The following SCN1A variants were observed in gnomAD, a reference collection of about 807,000 sequenced individuals.
The protein encoded by SCN1A is sodium voltage-gated channel alpha subunit 1, also known as sodium channel protein type 1 subunit alpha.
In SCN1A, 13 loss-of-function variants were observed where a neutral mutation model predicts 193.7. The observed-to-expected ratio is 0.07, with a 90% CI of 0.04 to 0.11. SCN1A has a LOEUF of 0.11. SCN1A is among the 10% of genes least tolerant of loss of function. The pLI, the probability that SCN1A is intolerant of heterozygous loss-of-function variation, is 1.00. For missense variants in SCN1A, 1,432 were observed against 2,451.1 expected (o/e 0.58, Z 8.78); for synonymous variants, 781 against 843.6 (o/e 0.93, Z 1.29).
intron 23 of SCN1A, among the ~76,000 whole-genome samples, chr2:166,008,937 A>G (rs1419319548): frequency 1.3e-5 from 2 of 151,008 alleles, no homozygotes; most frequent in Admixed American, 1.3e-4. Context: ...AAATAAGTCA[A>G]TAATGGCAAA....
intron 28 of SCN1A, chr2:165,993,880 TTTTAG>T: frequency 2.0e-6 from 1 of 506,264 alleles, no homozygotes; most frequent in East Asian, 3.0e-5. Context: ...AACATTTTTA[TTTTAG>T]TTAATAGCAC....
intron 19 of SCN1A, chr2:166,015,948 T>C: frequency 3.8e-6 from 2 of 525,632 alleles, no homozygotes; most frequent in Non-Finnish European, 3.4e-6. Flanking sequence ...CAGATTGCTA[T>C]GTTATGAGGT....
intron 3 of SCN1A, chr2:166,075,433 A>C (rs1449500259): frequency 6.6e-6 from 1 of 152,032 alleles, no homozygotes; most frequent in Non-Finnish European, 1.5e-5. Context: ...TATTATACAA[A>C]CTGTTTTACA....
intron 2 of SCN1A, among the ~76,000 whole-genome samples, chr2:166,117,626 T>C (rs928650759): frequency 2.0e-4 from 31 of 152,210 alleles, no homozygotes; most frequent in Non-Finnish European, 5.9e-5. Context: ...TTGGACCTGA[T>C]GAATCATTTA....
chr2:166,126,729 C>T (rs1233975473), intron 2 of SCN1A, among the ~76,000 whole-genome samples, 195 bp downstream of exon 2: 1 of 152,182 alleles, frequency 6.6e-6, no homozygotes, highest in Non-Finnish European at 1.5e-5. Flanking sequence ...TGCTACTGCA[C>T]TCAGAAATAT....
chr2:166,096,322 G>A (rs746890362), intron 2 of SCN1A, among the ~76,000 whole-genome samples: 22 of 151,888 alleles, frequency 1.4e-4, no homozygotes, highest in Non-Finnish European at 2.4e-4. Flanking sequence ...TCGCTCTGTC[G>A]CCCAGGCTGG....
At position 166,038,076 on chromosome 2, in the gene SCN1A, G is replaced by T; in HGVS notation, c.2646C>A (p.Ile882=). ...CCAGAGCCCCCACGGAATTGCCGAT[G>T]ATCTTTATTAGCATATTTAACGTTG... ...SWPTLNMLIK[I]IGNSVGALGN... Residue 882 remains isoleucine (I), a synonymous_variant, in exon 18 of 29, where the codon ATC becomes ATA. Coordinates refer to ENST00000674923, the MANE Select transcript of SCN1A (RefSeq NM_001165963.4). The T allele has an allele frequency of 6.2e-7, 1 of 1,614,106 alleles. No homozygotes were observed. The highest frequency in any genetic ancestry group is 8.5e-7 in the Non-Finnish European group (1 of 1,179,966).
rs1256855559 is a variant in SCN1A, at chr2:166,043,961, A to G, written c.1751T>C (p.Val584Ala). The part of the protein sequence containing the change: ...LFSFRGRAKD[V>A]GSENDFADDE... Reference sequence around the variant, plus strand: ...ATCTGCGAAGTCGTTCTCAGATCCCACATCCTTTGCTCGCCCTCTAAAGCT... The same window carrying G: ...ATCTGCGAAGTCGTTCTCAGATCCCGCATCCTTTGCTCGCCCTCTAAAGCT... Residue 584 changes from valine to alanine, a missense_variant, in exon 14 of 29, where the codon GTG becomes GCG. Coordinates refer to ENST00000674923, the MANE Select transcript of SCN1A (RefSeq NM_001165963.4). The G allele has an allele frequency of 6.2e-7, 1 of 1,614,000 alleles. No individual in the cohort carries two copies. Among genetic ancestry groups the G allele is most frequent in the Non-Finnish European group, 8.5e-7 (1 of 1,180,022 alleles).
chr2:165,997,683 G>A (rs568489291), intron 26 of SCN1A, among the ~76,000 whole-genome samples: 30 of 151,450 alleles, frequency 2.0e-4, no homozygotes, highest in African/African-American at 7.2e-4. Context: ...TTTCAAGGGG[G>A]AGTGGGTAGT....
At chr2:166,011,201 A>G (rs1692399181) in intron 22 of SCN1A, among the ~76,000 whole-genome samples, 1 of 151,098 alleles carries the variant, frequency 6.6e-6, no homozygotes, top group Non-Finnish European at 1.5e-5. Context: ...AAGGAAATAT[A>G]ATGCATTCAT....
intron 15 of SCN1A, among the ~76,000 whole-genome samples, chr2:166,041,828 CA>C (rs1321066786): frequency 6.6e-6 from 1 of 152,162 alleles, no homozygotes; most frequent in Non-Finnish European, 1.5e-5. Flanking sequence ...TCTACATTGT[CA>C]ACCTCAGACT....
At chr2:166,053,878 C>G (rs1190530613) in intron 7 of SCN1A, among the ~76,000 whole-genome samples, 1 of 151,724 alleles carries the variant, frequency 6.6e-6, no homozygotes, top group East Asian at 1.9e-4. Context: ...GGGTCTCTTC[C>G]TGAGGAAGTT....
chr2:166,067,343 T>C (rs1025472938), intron 4 of SCN1A, among the ~76,000 whole-genome samples: 3 of 152,146 alleles, frequency 2.0e-5, no homozygotes, highest in African/African-American at 7.2e-5. Flanking sequence ...GGCCAAGTGT[T>C]GAAATGACCA....
intron 19 of SCN1A, chr2:166,016,180 C>T (rs1027482017): frequency 5.1e-5 from 9 of 177,246 alleles, no homozygotes; most frequent in South Asian, 3.7e-4. Flanking sequence ...TGTACAGATA[C>T]TACCTGTTGT....
intron 2 of SCN1A, among the ~76,000 whole-genome samples, chr2:166,110,360 GAAATATTCTT>G (rs1204551253): frequency 6.6e-6 from 1 of 152,070 alleles, no homozygotes; most frequent in South Asian, 2.1e-4. Flanking sequence ...GAATGAAAAA[GAAATATTCTT>G]AAATATTCTT....
intron 23 of SCN1A, among the ~76,000 whole-genome samples, chr2:166,008,899 T>A (rs1312319871): frequency 6.6e-6 from 1 of 150,914 alleles, no homozygotes; most frequent in Admixed American, 6.6e-5. Context: ...TATAAACTAA[T>A]GCTTCATGCC....
chr2:166,030,696 T>C (rs1559180754), intron 19 of SCN1A, among the ~76,000 whole-genome samples: 1 of 152,004 alleles, frequency 6.6e-6, no homozygotes, highest in Non-Finnish European at 1.5e-5. Flanking sequence ...AACGGGGTAA[T>C]ATAGATTTAG....
chr2:166,062,326 C>CT (rs1683395399), intron 4 of SCN1A, among the ~76,000 whole-genome samples: 1 of 152,090 alleles, frequency 6.6e-6, no homozygotes, highest in Admixed American at 6.5e-5. Flanking sequence ...TATGATAGCA[C>CT]TTTCATGTCA....
rs61002916 is a variant in SCN1A, at chr2:166,118,302, CTTTTTTTTTT to C, written c.-142+8612_-142+8621del. On this transcript the variant is annotated intron_variant, in intron 2 of 28. Coordinates refer to ENST00000674923, the MANE Select transcript of SCN1A (RefSeq NM_001165963.4). Reference sequence around the variant, plus strand: ...TTGCTTACTGATTTCTATTTAGTTTCTTTTTTTTTTTTTTTTTTTTTTTTTTTTGAGAAAG... The same window carrying C: ...TTGCTTACTGATTTCTATTTAGTTTCTTTTTTTTTTTTTTTTTTGAGAAAG... Among the ~76,000 whole-genome samples the C allele has an allele frequency of 6.2e-5, 5 of 81,072 alleles. No individual in the cohort carries two copies. In the Admixed American group the frequency reaches 7.6e-4, roughly 12 times the overall value. The allele number at this position is 81,072 out of a possible 152,430, so 53.2% of individuals were successfully genotyped here.
Sources: allele counts gnomAD v4.1 joint callset (sites outside exome capture counted in the v4.1 genomes callset), GRCh38; gene constraint gnomAD v4.1.1; transcripts MANE v1.5; gene names NCBI Gene and HGNC (gene_info 2026-07-23, HGNC 2026-07-21).